The following ARID1B variants were observed in gnomAD, a reference collection of about 807,000 sequenced individuals.
ARID1B encodes AT-rich interaction domain 1B.
In ARID1B, 30 loss-of-function variants were observed where a neutral mutation model predicts 212.3. The observed-to-expected ratio is 0.14, with a 90% confidence interval of 0.11 to 0.19. The LOEUF (loss-of-function observed/expected upper bound fraction) is 0.19. Among genes scored for constraint, ARID1B ranks in the 10% least tolerant of loss-of-function variants. The pLI is 1.00. For synonymous variants in ARID1B, 1,402 were observed against 1,301.7 expected, an observed-to-expected ratio of 1.08 and a Z score of -1.66; for missense variants, 2,891 against 3,204.0, an observed-to-expected ratio of 0.90 and a Z score of 2.36.
At chr6:156,897,170 A>C (rs1788474136) in intron 2 of ARID1B, among the ~76,000 whole-genome samples, 2 of 149,032 alleles carry the variant, frequency 1.3e-5, no homozygotes, top group African/African-American at 4.9e-5. Flanking sequence ...GAGTGAAGCA[A>C]ATTCTTCTTT....
chr6:157,060,193 T>G (rs1367633415), intron 4 of ARID1B, among the ~76,000 whole-genome samples: 3 of 152,140 alleles, frequency 2.0e-5, no homozygotes, highest in African/African-American at 7.2e-5. Context: ...AAACAATCCA[T>G]CAGTCGATAA....
intron 1 of ARID1B, among the ~76,000 whole-genome samples, chr6:156,786,562 T>G (rs1779644975): frequency 6.6e-6 from 1 of 152,234 alleles, no homozygotes. Flanking sequence ...AGATCAGTTA[T>G]GTACTTTAAC....
At chr6:156,945,212 G>A (rs1371675252) in intron 4 of ARID1B, among the ~76,000 whole-genome samples, 5 of 134,276 alleles carry the variant, frequency 3.7e-5, no homozygotes, top group East Asian at 2.1e-4. Context: ...TGGGATGACC[G>A]GTGTGAGCCC....
chr6:156,823,625 C>G (rs1029504073), intron 1 of ARID1B, among the ~76,000 whole-genome samples: 19 of 150,362 alleles, frequency 1.3e-4, no homozygotes, highest in African/African-American at 4.6e-4. Context: ...GTTTAATCCA[C>G]ATGTGTAGAA....
intron 16 of ARID1B, among the ~76,000 whole-genome samples, chr6:157,197,138 G>A (rs1793785013): frequency 6.6e-6 from 1 of 152,214 alleles, no homozygotes; most frequent in African/African-American, 2.4e-5. Context: ...CCTTCCCCTT[G>A]TTGGGTATGT....
chr6:156,817,741 ATTACATTT>A (rs1193545611), intron 1 of ARID1B, among the ~76,000 whole-genome samples: 1 of 152,148 alleles, frequency 6.6e-6, no homozygotes, highest in East Asian at 1.9e-4. Flanking sequence ...ATTCTGATGC[ATTACATTT>A]TTACATTTTG....
chr6:156,841,600 T>C (rs1783907923), intron 2 of ARID1B, among the ~76,000 whole-genome samples: 1 of 152,328 alleles, frequency 6.6e-6, no homozygotes, highest in South Asian at 2.1e-4. Context: ...TAAGTACTTT[T>C]ACATGGATGT....
intron 15 of ARID1B, among the ~76,000 whole-genome samples, chr6:157,191,331 C>T (rs1171134511): frequency 6.6e-6 from 1 of 151,780 alleles, no homozygotes; most frequent in Non-Finnish European, 1.5e-5. Context: ...CGGGTGAAGA[C>T]ATTATTCCCT....
intron 2 of ARID1B, among the ~76,000 whole-genome samples, chr6:156,871,434 C>T (rs1344923209): frequency 2.0e-5 from 3 of 152,142 alleles, no homozygotes; most frequent in Admixed American, 2.0e-4. Flanking sequence ...CCATGGATAA[C>T]CCTTTTGCAC....
chr6:156,920,205 A>G (rs1329679438), intron 3 of ARID1B, among the ~76,000 whole-genome samples: 1 of 152,206 alleles, frequency 6.6e-6, no homozygotes, highest in Non-Finnish European at 1.5e-5. Context: ...CCTGGGCCTG[A>G]CAGCCCATCT....
At chr6:157,133,594 G>T (rs115785925) in intron 7 of ARID1B, among the ~76,000 whole-genome samples, 1,877 of 152,266 alleles carry the variant, frequency 0.012, 31 homozygotes, top group African/African-American at 0.042. Context: ...ATCCCTCTTA[G>T]TGATCACCGT....
At chr6:157,005,364 C>T (rs1453457363) in intron 4 of ARID1B, among the ~76,000 whole-genome samples, 10 of 152,014 alleles carry the variant, frequency 6.6e-5, no homozygotes, top group Admixed American at 3.3e-4. Flanking sequence ...CCATATTGGC[C>T]GGGCTGTTCT....
chr6:157,202,073 G>C (rs1794151251), intron 18 of ARID1B, among the ~76,000 whole-genome samples: 2 of 152,198 alleles, frequency 1.3e-5, no homozygotes, highest in Non-Finnish European at 2.9e-5. Flanking sequence ...GTAATATGTA[G>C]ATTGATAGAT....
At chr6:156,822,405 A>G (rs767145544) in intron 1 of ARID1B, among the ~76,000 whole-genome samples, 2 of 152,230 alleles carry the variant, frequency 1.3e-5, no homozygotes, top group Non-Finnish European at 2.9e-5. Flanking sequence ...CAGACCAGAG[A>G]TGGGACTGTG....
At chr6:156,802,614 T>G (rs1780867367) in intron 1 of ARID1B, among the ~76,000 whole-genome samples, 1 of 152,236 alleles carries the variant, frequency 6.6e-6, no homozygotes, top group Non-Finnish European at 1.5e-5. Flanking sequence ...TTAGGATTTC[T>G]CAAGATCCCC....
intron 2 of ARID1B, among the ~76,000 whole-genome samples, chr6:156,833,655 A>G (rs1783298647): frequency 6.6e-6 from 1 of 152,226 alleles, no homozygotes. Flanking sequence ...TAGCAGGAAC[A>G]TAGAATATGA....
chr6:157,118,923 T>G (rs779840355), intron 6 of ARID1B, among the ~76,000 whole-genome samples: 28 of 152,260 alleles, frequency 1.8e-4, no homozygotes, highest in Non-Finnish European at 5.9e-5. Context: ...CTTTTAATAC[T>G]TAATACTTAT....
intron 4 of ARID1B, among the ~76,000 whole-genome samples, chr6:157,048,723 C>T (rs1344598156): frequency 6.6e-6 from 1 of 152,186 alleles, no homozygotes; most frequent in Non-Finnish European, 1.5e-5. Context: ...GTCGCCTGAT[C>T]TCATGCTTCC....
chr6:156,826,270 C>T (rs1234948179), intron 1 of ARID1B, among the ~76,000 whole-genome samples: 1 of 152,210 alleles, frequency 6.6e-6, no homozygotes, highest in Admixed American at 6.5e-5. Flanking sequence ...CTGTGGATCC[C>T]TTGGGACTGA....
Sources: gnomAD v4.1 joint callset for allele counts (sites outside exome capture counted in the v4.1 genomes callset) on GRCh38, gnomAD v4.1.1 for gene constraint, MANE v1.5 for transcripts, NCBI Gene and HGNC (gene_info 2026-07-23, HGNC 2026-07-21) for gene names.